ABRACL: variants seen among roughly 807,000 people sequenced by gnomAD.
The protein encoded by ABRACL is ABRA C-terminal like.
ABRACL carries 4 observed loss-of-function variants against 7.0 expected under a neutral mutation model. The observed-to-expected ratio is 0.57, with a 90% CI of 0.28 to 1.30. The LOEUF (loss-of-function observed/expected upper bound fraction) is 1.30. Among genes scored for constraint, ABRACL ranks in the 50% most tolerant of loss-of-function variants. The pLI, the probability that ABRACL is intolerant of heterozygous loss-of-function variation, is 0.10. For missense variants in ABRACL, 104 were observed against 97.3 expected, an observed-to-expected ratio of 1.07 and a Z score of -0.29; for synonymous variants, 30 against 36.0, an observed-to-expected ratio of 0.83 and a Z score of 0.60.
At chr6:139,029,453 C>T (rs1786045255) in intron 1 of ABRACL, among the ~76,000 whole-genome samples, 1 of 151,916 alleles carries the variant, frequency 6.6e-6, no homozygotes, top group Non-Finnish European at 1.5e-5. Context: ...GCGCCCGGGC[C>T]ACGGGGGAGG....
chr6:139,030,128 T>C (rs913687395), intron 1 of ABRACL, among the ~76,000 whole-genome samples: 2 of 152,054 alleles, frequency 1.3e-5, no homozygotes, highest in African/African-American at 4.8e-5. Context: ...CCTTTAGACT[T>C]GCTCTGCTTC....
intron 2 of ABRACL, among the ~76,000 whole-genome samples, chr6:139,034,933 G>A (rs1404754763): frequency 1.3e-5 from 2 of 152,178 alleles, no homozygotes; most frequent in South Asian, 2.1e-4. Flanking sequence ...GATGAGATAT[G>A]CAAGAATTTG....
chr6:139,034,297 C>G, intron 2 of ABRACL, 76 bp downstream of exon 2: 1 of 1,612,944 alleles, frequency 6.2e-7, no homozygotes, highest in African/African-American at 1.3e-5. Flanking sequence ...CTGGAGAAGC[C>G]TATGAAGGGG....
At chr6:139,040,676 T>C (rs190207026) in intron 2 of ABRACL, among the ~76,000 whole-genome samples, 13 of 152,262 alleles carry the variant, frequency 8.5e-5, no homozygotes, top group Admixed American at 2.6e-4. Context: ...TAGGTAGAAA[T>C]TGAAAAATCA....
intron 2 of ABRACL, among the ~76,000 whole-genome samples, chr6:139,041,449 C>CTATATATATATA (rs1283788812): frequency 6.1e-5 from 5 of 81,878 alleles, no homozygotes; most frequent in Non-Finnish European, 1.3e-4. Flanking sequence ...CTCTCTCTCT[C>CTATATATATATA]TCTATATATA....
At chr6:139,036,029 G>A (rs1486237051) in intron 2 of ABRACL, among the ~76,000 whole-genome samples, 5 of 151,926 alleles carry the variant, frequency 3.3e-5, no homozygotes, top group Admixed American at 2.0e-4. Flanking sequence ...GCTTGAACTC[G>A]GGAGGCGGAG....
At chr6:139,029,912 G>A (rs1354768054) in intron 1 of ABRACL, among the ~76,000 whole-genome samples, 1 of 152,280 alleles carries the variant, frequency 6.6e-6, no homozygotes, top group Non-Finnish European at 1.5e-5. Flanking sequence ...ACAATGCCCT[G>A]AGGGTCCTTA....
rs774846705 is a variant in ABRACL at position 139,034,171 on chromosome 6, A to T, written c.11A>T (p.Asp4Val). 6.2e-7 allele frequency: 1 copy of T among 1,614,252 alleles called. No individual in the cohort carries two copies. The highest frequency in any genetic ancestry group is 2.2e-5 in the East Asian group (1 of 44,892). The change falls in exon 2 of 3, where the codon GAT becomes GTT. Residue 4 changes from aspartate (D) to valine (V), a missense_variant. Coordinates refer to ENST00000367660, the MANE Select transcript of ABRACL (RefSeq NM_021243.3). Reference sequence around the variant, plus strand: ...CTCTCCCAGGCAGCAATGAATGTGGATCACGAGGTTAACCTCTTAGTGGAG... The same window carrying T: ...CTCTCCCAGGCAGCAATGAATGTGGTTCACGAGGTTAACCTCTTAGTGGAG... MNV[D>V]HEVNLLVEEI...
chr6:139,037,899 C>G (rs1786188559), intron 2 of ABRACL, among the ~76,000 whole-genome samples: 1 of 151,798 alleles, frequency 6.6e-6, no homozygotes, highest in African/African-American at 2.4e-5. Flanking sequence ...GCCTCAGCCT[C>G]CTGAGTAGCT....
chr6:139,037,608 C>T (rs1786181578), intron 2 of ABRACL, among the ~76,000 whole-genome samples: 1 of 152,028 alleles, frequency 6.6e-6, no homozygotes, highest in African/African-American at 2.4e-5. Flanking sequence ...TCTTCCCTAA[C>T]TCAATTTTTC....
chr6:139,036,764 G>A (rs1047469689), intron 2 of ABRACL, among the ~76,000 whole-genome samples: 8 of 152,130 alleles, frequency 5.3e-5, no homozygotes, highest in East Asian at 1.9e-4. Flanking sequence ...TGGGAGGATC[G>A]CTTAAGCCCA....
intron 1 of ABRACL, among the ~76,000 whole-genome samples, chr6:139,032,432 G>A (rs1188934683): frequency 6.6e-6 from 1 of 152,188 alleles, no homozygotes; most frequent in Non-Finnish European, 1.5e-5. Context: ...GTTTTATGAA[G>A]ATGCATTTAA....
At chr6:139,034,055 G>A (rs1562219059) in intron 1 of ABRACL, 100 bp from the exon 2 acceptor site, 2 of 1,448,788 alleles carry the variant, frequency 1.4e-6, no homozygotes, top group East Asian at 4.6e-5. Context: ...TAAATTAATA[G>A]TGACAGACGC....
intron 2 of ABRACL, among the ~76,000 whole-genome samples, chr6:139,036,141 A>G (rs1786152534): frequency 6.6e-6 from 1 of 150,718 alleles, no homozygotes; most frequent in South Asian, 2.1e-4. Context: ...GAGTTTCACC[A>G]TGTTGGCCAG....
chr6:139,030,264 A>T (rs1226160816), intron 1 of ABRACL, among the ~76,000 whole-genome samples: 1 of 151,962 alleles, frequency 6.6e-6, no homozygotes, highest in Non-Finnish European at 1.5e-5. Context: ...CTAAATATTT[A>T]TCTCTTCTTT....
chr6:139,035,146 G>A (rs1478963798), intron 2 of ABRACL, among the ~76,000 whole-genome samples: 13 of 152,156 alleles, frequency 8.5e-5, no homozygotes, highest in Admixed American at 8.5e-4. Flanking sequence ...GAAGTAACAG[G>A]ACACACTTGG....
At chr6:139,039,178 C>T (rs1471094449) in intron 2 of ABRACL, among the ~76,000 whole-genome samples, 2 of 151,668 alleles carry the variant, frequency 1.3e-5, no homozygotes, top group Non-Finnish European at 2.9e-5. Context: ...TGAGCCGAGA[C>T]CACACCATAA....
chr6:139,039,384 T>C (rs539483092), intron 2 of ABRACL, among the ~76,000 whole-genome samples: 3 of 152,340 alleles, frequency 2.0e-5, no homozygotes, highest in South Asian at 2.1e-4. Context: ...TTTTAATGAC[T>C]GTAAAATACA....
At chr6:139,039,364 A>T (rs1289553201) in intron 2 of ABRACL, among the ~76,000 whole-genome samples, 1 of 152,216 alleles carries the variant, frequency 6.6e-6, no homozygotes, top group African/African-American at 2.4e-5. Context: ...TGAAATACAG[A>T]TTAAGTGAAT....
Sources: gnomAD v4.1 joint callset for allele counts (sites outside exome capture counted in the v4.1 genomes callset) on GRCh38, gnomAD v4.1.1 for gene constraint, MANE v1.5 for transcripts, NCBI Gene and HGNC (gene_info 2026-07-23, HGNC 2026-07-21) for gene names.